Variants in PDPK1 observed in about 807,000 individuals in gnomAD.
PDPK1 encodes the protein 3-phosphoinositide-dependent protein kinase 1.
In PDPK1, 7 loss-of-function variants were observed where a neutral mutation model predicts 39.8. The observed-to-expected ratio is 0.18, with a 90% confidence interval of 0.10 to 0.33. The LOEUF is 0.33. Among genes scored for constraint, PDPK1 ranks in the 10% least tolerant of loss-of-function variants. The pLI is 1.00. For synonymous variants in PDPK1, 118 were observed against 159.1 expected, an observed-to-expected ratio of 0.74 and a Z score of 1.95; for missense variants, 182 against 384.7, an observed-to-expected ratio of 0.47 and a Z score of 4.41.
intron 1 of PDPK1, chr16:2,539,504 G>C (rs74003026): frequency 6.6e-6 from 1 of 152,084 alleles, no homozygotes; most frequent in Admixed American, 6.5e-5. Flanking sequence ...GCAGAGTGAC[G>C]CTGAATTTTG....
At chr16:2,590,953 G>A (rs1275077845) in intron 11 of PDPK1, among the ~76,000 whole-genome samples, 3 of 147,774 alleles carry the variant, frequency 2.0e-5, no homozygotes, top group African/African-American at 7.7e-5. Flanking sequence ...CAGGCCAAAA[G>A]TCTTTTTTTT....
At chr16:2,552,087 G>A (rs574515980) in intron 1 of PDPK1, among the ~76,000 whole-genome samples, 2 of 151,468 alleles carry the variant, frequency 1.3e-5, no homozygotes, top group East Asian at 1.9e-4. Context: ...TCCTGCCTCA[G>A]CCTCACAGGT....
At chr16:2,580,005 C>T (rs1334444352) in intron 7 of PDPK1, 3 of 148,908 alleles carry the variant, frequency 2.0e-5, no homozygotes, top group African/African-American at 7.5e-5. Flanking sequence ...AATAAATCTC[C>T]AAACCCACTT....
At chr16:2,547,688 A>G (rs1220280161) in intron 1 of PDPK1, among the ~76,000 whole-genome samples, 1 of 694 alleles carries the variant, frequency 1.4e-3, no homozygotes, top group South Asian at 0.014. Flanking sequence ...CGGTTGGTTT[A>G]GGAAAAGTGG....
In PDPK1 at chr16:2,586,705, C is replaced by T. The variant is rs1245806848; in HGVS notation, c.1155C>T (p.Cys385=). 6.2e-7 allele frequency: 1 copy of T among 1,614,254 alleles called. No homozygotes were observed. Among genetic ancestry groups the T allele is most frequent in the Non-Finnish European group, 8.5e-7 (1 of 1,180,034 alleles). Residue 385 remains cysteine, a synonymous_variant, in exon 11 of 14, where the codon TGC becomes TGT. Coordinates refer to ENST00000342085, the MANE Select transcript of PDPK1 (RefSeq NM_002613.5). ...NYDNLLSQFG[C]MQVSSSSSSH... is the part of the protein sequence containing the mutation. The stretch of plus-strand genomic sequence containing the variant: ...ACAATCTCCTGAGCCAGTTTGGCTG[C>T]ATGCAGGTGTCTTCGTCCTCCTCCT...
intron 1 of PDPK1, 110 bp downstream of exon 1, chr16:2,538,246 T>G (rs1199235929): frequency 2.5e-3 from 1,139 of 457,208 alleles, no homozygotes; most frequent in Admixed American, 3.6e-3. Context: ...GCCGGGTGCC[T>G]CCTTACCTGC....
In PDPK1 at chr16:2,597,378, G is replaced by C; in HGVS notation, c.1554+103G>C. 1.9e-6 allele frequency: 2 copies of C among 1,080,158 alleles called. No individual in the cohort carries two copies. The highest frequency in any genetic ancestry group is 2.7e-6 in the Non-Finnish European group (2 of 737,998). 66.9% of individuals were successfully genotyped at this position (1,080,158 alleles called of 1,614,324 possible). ...TGGCCAGAGGGAGCAGCGGGGATCG[G>C]GGCAGCTGCCTCGCCCTTTCCGACA... On this transcript the variant is annotated intron_variant, in intron 13 of 13. Coordinates refer to ENST00000342085, the MANE Select transcript of PDPK1 (RefSeq NM_002613.5). This position sits in a 1 kb window ranked among gnomAD's most constrained non-coding sequence, Gnocchi z 6.3.
In PDPK1 at chr16:2,557,909, G is replaced by A. The variant is rs372064092; in HGVS notation, c.231G>A (p.Lys77=). 9.1e-5 allele frequency: 147 copies of A among 1,612,192 alleles called. 2 individuals carry two copies. The East Asian group carries it at 1.7e-3, about 19-fold the overall frequency. ...HAQPPPQPRK[K]RPEDFKFGKI... ...AGCCTCCGCCGCAGCCTCGGAAGAAGCGGCCTGAGGACTTCAAGTTTGGGA... is the reference window on the plus strand; with the variant it reads ...AGCCTCCGCCGCAGCCTCGGAAGAAACGGCCTGAGGACTTCAAGTTTGGGA... The change falls in exon 2 of 14, where the codon AAG becomes AAA. Residue 77 remains lysine, a synonymous_variant. Transcript: ENST00000342085.
At chr16:2,584,741 A>ACCACGCC (rs200916797) in intron 10 of PDPK1, among the ~76,000 whole-genome samples, 4,261 of 150,012 alleles carry the variant, frequency 0.028, 185 homozygotes, top group African/African-American at 0.1. Context: ...CAACGCCCCT[A>ACCACGCC]CCTGCTGTGT....
At position 2,578,137 on chromosome 16, in the gene PDPK1, C is replaced by T. The variant is rs931480779; in HGVS notation, c.785+637C>T. Among the ~76,000 whole-genome samples the T allele has an allele frequency of 2.2e-4, 33 of 148,776 alleles. 4 individuals carry two copies. The highest frequency in any genetic ancestry group is 8.2e-4 in the African/African-American group (32 of 39,206). ...TGCTGCCCCCCGTCGGGGTGGAGGG[C>T]AGGCAGCCCGGCCTTCGGGTTGCTC... On this transcript the variant is annotated intron_variant, in intron 7 of 13. Coordinates refer to ENST00000342085, the MANE Select transcript of PDPK1 (RefSeq NM_002613.5).
chr16:2,539,078 CT>C (rs57517702), intron 1 of PDPK1: 6,362 of 146,200 alleles, frequency 0.044, 4 homozygotes, highest in South Asian at 0.13. Context: ...CAGGATGCGG[CT>C]TTTTTTTTTT....
intron 6 of PDPK1, among the ~76,000 whole-genome samples, chr16:2,573,484 G>A (rs1206807263): frequency 2.0e-5 from 1 of 50,516 alleles, no homozygotes. Context: ...AGCTTTATGC[G>A]TCTTTTGTGA....
chr16:2,599,741 ACGTCCTGTGTCTC>A lies in PDPK1; in HGVS notation c.*1976_*1988del, dbSNP rs2067176963. The A allele has an allele frequency of 4.3e-6, 1 of 233,500 alleles. No individual in the cohort carries two copies. Among genetic ancestry groups the A allele is most frequent in the Non-Finnish European group, 8.4e-6 (1 of 118,350 alleles). The allele number at this position is 233,500 out of a possible 1,614,324, so 14.5% of individuals were successfully genotyped here. A position where few individuals can be genotyped will look rare whatever the true frequency, so the allele number is the denominator to read the frequency against. On this transcript the variant is annotated 3_prime_UTR_variant, in exon 14 of 14. Coordinates refer to ENST00000342085, the MANE Select transcript of PDPK1 (RefSeq NM_002613.5). ...CATCAGCTATTTTACCCATCTCAGA[ACGTCCTGTGTCTC>A]CATGTAGGAGAGTGGCTCTCTCAGA...
At chr16:2,558,432 C>T (rs1349971794) in intron 2 of PDPK1, among the ~76,000 whole-genome samples, 7 of 150,450 alleles carry the variant, frequency 4.7e-5, no homozygotes, top group African/African-American at 1.5e-4. Flanking sequence ...TAAAACAGTA[C>T]GCTCTGGACA....
chr16:2,587,011 C>A, intron 11 of PDPK1, 118 bp downstream of exon 11: 3 of 853,608 alleles, frequency 3.5e-6, no homozygotes, highest in Non-Finnish European at 5.8e-6. Flanking sequence ...GGACGCTTGG[C>A]CAAGGAGCAC....
Position 2,586,828 on chromosome 16 carries a change from G to A in PDPK1, c.1278G>A (p.Leu426=). 7 of 1,614,252 alleles carry A rather than the reference G, an allele frequency of 4.3e-6. No individual in the cohort carries two copies. Among genetic ancestry groups the A allele is most frequent in the Non-Finnish European group, 5.9e-6 (7 of 1,180,050 alleles). Residue 426 remains leucine, a synonymous_variant, in exon 11 of 14, where the codon CTG becomes CTA. Coordinates refer to ENST00000342085, the MANE Select transcript of PDPK1 (RefSeq NM_002613.5). ...IHDLDSNSFE[L]DLQFSEDEKR... is the part of the protein sequence containing the mutation. ...ATCTGGACTCGAACTCCTTTGAACT[G>A]GACTTACAGTTTTCCGAAGATGAGA...
rs1345525842 is a variant in PDPK1, at chr16:2,593,288, G to A, written c.1344-2505G>A. On this transcript the variant is annotated intron_variant, in intron 11 of 13. Coordinates refer to ENST00000342085, the MANE Select transcript of PDPK1 (RefSeq NM_002613.5). The surrounding 1 kb of genome is among the most constrained non-coding windows in gnomAD (Gnocchi z 4.2). ...TGTCATTTTGTTGAGTTTTCTGTTG[G>A]GTTCCAAGCCTCTCGTGGCACTGTG... 2.8e-6 allele frequency: 1 copy of A among 357,096 alleles called. No homozygotes were observed. Among genetic ancestry groups the A allele is most frequent in the African/African-American group, 2.1e-5 (1 of 46,664 alleles). 22.1% of individuals were successfully genotyped at this position (357,096 alleles called of 1,614,324 possible).
chr16:2,589,362 T>C (rs2066942028), intron 11 of PDPK1, among the ~76,000 whole-genome samples: 1 of 152,206 alleles, frequency 6.6e-6, no homozygotes, highest in Non-Finnish European at 1.5e-5. Context: ...ACTGAATCAT[T>C]ATTTTGAAAT....
At chr16:2,546,494 G>GCGCCC (rs2066350254) in intron 1 of PDPK1, among the ~76,000 whole-genome samples, 1 of 152,026 alleles carries the variant, frequency 6.6e-6, no homozygotes, top group Admixed American at 6.6e-5. Context: ...CCACCATGCT[G>GCGCCC]GGCTAATTTG....
Sources: allele counts gnomAD v4.1 joint callset (sites outside exome capture counted in the v4.1 genomes callset), GRCh38; gene constraint gnomAD v4.1.1; non-coding constraint Gnocchi (gnomAD v3.1); transcripts MANE v1.5; gene names NCBI Gene and HGNC (gene_info 2026-07-23, HGNC 2026-07-21).